AFAP1: variants seen among roughly 807,000 people sequenced by gnomAD.
AFAP1 encodes actin filament associated protein 1.
In AFAP1, 75 loss-of-function variants were observed where a neutral mutation model predicts 93.9. The observed-to-expected ratio is 0.80, with a 90% CI of 0.66 to 0.97. AFAP1 has a LOEUF of 0.97. Ranked by LOEUF, AFAP1 falls within the 50% of genes least tolerant of loss-of-function variation. AFAP1 has a pLI of 0.00. For missense variants in AFAP1, 1,201 were observed against 1,050.8 expected (o/e 1.14, Z -1.98); for synonymous variants, 517 against 430.7 (o/e 1.20, Z -2.48).
At chr4:7,938,734 AT>A (rs796821927) in intron 1 of AFAP1, among the ~76,000 whole-genome samples, 1,948 of 150,592 alleles carry the variant, frequency 0.013, 46 homozygotes, top group African/African-American at 0.045. Flanking sequence ...GGCTTTCCAG[AT>A]TTTTTTTTTC....
intron 1 of AFAP1, among the ~76,000 whole-genome samples, chr4:7,890,371 G>T (rs949570989): frequency 6.6e-6 from 1 of 152,128 alleles, no homozygotes; most frequent in East Asian, 1.9e-4. Flanking sequence ...CCAAATACAA[G>T]AATTACCTTA....
chr4:7,815,702 G>A (rs532694777), intron 8 of AFAP1, among the ~76,000 whole-genome samples: 1 of 152,190 alleles, frequency 6.6e-6, no homozygotes, highest in African/African-American at 2.4e-5. Context: ...ATGCAAATTT[G>A]TCTCAGTGAC....
intron 1 of AFAP1, among the ~76,000 whole-genome samples, chr4:7,899,290 C>T (rs971521971): frequency 1.3e-5 from 2 of 152,216 alleles, no homozygotes; most frequent in South Asian, 4.1e-4. Context: ...CCCCAGGACC[C>T]CCGTTTCATA....
chr4:7,798,844 G>C (rs762476401), intron 10 of AFAP1: 4,249 of 567,472 alleles, frequency 7.5e-3, no homozygotes, highest in Non-Finnish European at 8.7e-3. Context: ...ACCGCACCCC[G>C]AGCTTCTCTG....
chr4:7,900,774 G>A (rs1719071177), intron 1 of AFAP1, among the ~76,000 whole-genome samples: 1 of 152,152 alleles, frequency 6.6e-6, no homozygotes, highest in African/African-American at 2.4e-5. Context: ...ACTGTTACGT[G>A]GTAGCATTGC....
At chr4:7,920,970 ATATAT>A (rs1720409093) in intron 1 of AFAP1, among the ~76,000 whole-genome samples, 1 of 151,598 alleles carries the variant, frequency 6.6e-6, no homozygotes, top group Non-Finnish European at 1.5e-5. Context: ...ACTATATATT[ATATAT>A]ATTTTTGTAG....
intron 6 of AFAP1, among the ~76,000 whole-genome samples, chr4:7,835,467 A>C (rs1712189378): frequency 2.5e-5 from 2 of 79,190 alleles, no homozygotes; most frequent in Non-Finnish European, 6.3e-5. Flanking sequence ...GGCTGCCTTA[A>C]GGTTACCTGG....
chr4:7,801,179 C>T (rs1718985404), intron 9 of AFAP1, among the ~76,000 whole-genome samples: 1 of 152,184 alleles, frequency 6.6e-6, no homozygotes, highest in South Asian at 2.1e-4. Context: ...GCACTAAGAT[C>T]CCCAGCGCTG....
chr4:7,936,352 G>T (rs1721378456), intron 1 of AFAP1, among the ~76,000 whole-genome samples: 1 of 149,650 alleles, frequency 6.7e-6, no homozygotes, highest in Non-Finnish European at 1.5e-5. Flanking sequence ...TACAGAAAGG[G>T]TTTCACTCCG....
chr4:7,764,660 G>GTGC (rs1173339608), intron 17 of AFAP1, among the ~76,000 whole-genome samples: 1 of 152,260 alleles, frequency 6.6e-6, no homozygotes, highest in Non-Finnish European at 1.5e-5. Flanking sequence ...CAGGCCCTGA[G>GTGC]TGCTGGCTGC....
At chr4:7,793,969 C>A in intron 10 of AFAP1, 143 bp from the exon 11 acceptor site, 1 of 934,776 alleles carries the variant, frequency 1.1e-6, no homozygotes. Flanking sequence ...GATGGCTGAG[C>A]GATGGGATTA....
intron 1 of AFAP1, among the ~76,000 whole-genome samples, chr4:7,889,485 G>A (rs555731501): frequency 7.3e-5 from 11 of 149,696 alleles, no homozygotes; most frequent in Non-Finnish European, 8.9e-5. Flanking sequence ...CCCAGGAGGT[G>A]GAGGTTGCAG....
At chr4:7,867,197 C>T (rs1245669146) in intron 3 of AFAP1, among the ~76,000 whole-genome samples, 1 of 151,772 alleles carries the variant, frequency 6.6e-6, no homozygotes, top group Non-Finnish European at 1.5e-5. Flanking sequence ...ACCTAGTGAA[C>T]CAGAATCTGC....
At chr4:7,843,445 A>C in intron 4 of AFAP1, 95 bp from the exon 5 acceptor site, 1 of 1,168,940 alleles carries the variant, frequency 8.6e-7, no homozygotes, top group Non-Finnish European at 1.2e-6. Context: ...TTAATCACCA[A>C]GTAACTGAAT....
chr4:7,926,987 C>T (rs143304342), intron 1 of AFAP1, among the ~76,000 whole-genome samples: 6 of 152,330 alleles, frequency 3.9e-5, no homozygotes, highest in Middle Eastern at 3.4e-3. Context: ...CCACCTGCCT[C>T]GGCCTCCCAA....
intron 1 of AFAP1, among the ~76,000 whole-genome samples, chr4:7,898,981 G>GTATATACCAT (rs1718959376): frequency 2.7e-5 from 4 of 147,206 alleles, no homozygotes; most frequent in Non-Finnish European, 6.0e-5. Flanking sequence ...TATATACAAT[G>GTATATACCAT]GTATTGTATA....
chr4:7,926,579 G>C (rs1021799719), intron 1 of AFAP1, among the ~76,000 whole-genome samples: 8 of 152,252 alleles, frequency 5.3e-5, no homozygotes, highest in African/African-American at 1.9e-4. Context: ...GGGGAGGCCA[G>C]GTTCCAGGAC....
chr4:7,898,808 A>AGTGTGTGTGTAT (rs1718941339), intron 1 of AFAP1, among the ~76,000 whole-genome samples: 2 of 136,956 alleles, frequency 1.5e-5, no homozygotes, highest in African/African-American at 5.5e-5. Context: ...GGGCAGTAGA[A>AGTGTGTGTGTAT]GTGTGTGTGT....
rs916123574 is a variant in AFAP1, at chr4:7,931,591, T to C, written c.-3+8065A>G. 4.6e-5 allele frequency among the ~76,000 whole-genome samples: 7 copies of C among 150,912 alleles called. No individual in the cohort carries two copies. In the Admixed American group the frequency reaches 4.6e-4, roughly 10 times the overall value. On this transcript the variant is annotated intron_variant, in intron 1 of 17. Coordinates refer to ENST00000420658, the MANE Select transcript of AFAP1 (RefSeq NM_001134647.2). ...GAGGTGGAGGTCTCGCTATGTTGCC[T>C]AGGATGGTCTTGAACTGCTGACCTC...
Sources: gnomAD v4.1 joint callset for allele counts (sites outside exome capture counted in the v4.1 genomes callset) on GRCh38, gnomAD v4.1.1 for gene constraint, MANE v1.5 for transcripts, NCBI Gene and HGNC (gene_info 2026-07-23, HGNC 2026-07-21) for gene names.